The following GNA14 variants were observed in gnomAD, a reference collection of about 807,000 sequenced individuals.
The protein encoded by GNA14 is G protein subunit alpha 14.
Under a neutral mutation model 42.0 loss-of-function variants are expected in GNA14, and 50 were observed. The observed-to-expected ratio is 1.19, with a 90% confidence interval of 0.95 to 1.51. GNA14 has a LOEUF of 1.51. GNA14 is among the 40% of genes most tolerant of loss of function. The pLI is 0.00. For missense variants in GNA14, 473 were observed against 446.2 expected (o/e 1.06, Z -0.54); for synonymous variants, 173 against 163.1 (o/e 1.06, Z -0.46).
At chr9:77,544,429 A>G (rs1044113648) in intron 1 of GNA14, among the ~76,000 whole-genome samples, 10 of 152,148 alleles carry the variant, frequency 6.6e-5, no homozygotes, top group African/African-American at 2.4e-4. Flanking sequence ...TAGGTTGGGC[A>G]TGGTGTCTCA....
intron 1 of GNA14, among the ~76,000 whole-genome samples, chr9:77,646,436 AC>A (rs151127946): frequency 0.049 from 7,070 of 145,242 alleles, 233 homozygotes; most frequent in African/African-American, 0.092. Context: ...GGAGGGGCAC[AC>A]CCCCCCCCAA....
chr9:77,440,839 C>T (rs1045337462), intron 2 of GNA14, among the ~76,000 whole-genome samples: 1 of 152,100 alleles, frequency 6.6e-6, no homozygotes, highest in Non-Finnish European at 1.5e-5. Context: ...CCTCGTCCCC[C>T]TGAGTAGCTG....
At chr9:77,459,741 A>C (rs1836072010) in intron 2 of GNA14, among the ~76,000 whole-genome samples, 1 of 152,226 alleles carries the variant, frequency 6.6e-6, no homozygotes, top group Admixed American at 6.5e-5. Flanking sequence ...GCTTCTCAGC[A>C]GCCAAGCCTA....
intron 5 of GNA14, among the ~76,000 whole-genome samples, chr9:77,426,284 A>AG (rs200345404): frequency 0.039 from 5,929 of 150,586 alleles, 315 homozygotes; most frequent in East Asian, 0.2. Context: ...TTGATGGGTG[A>AG]CCATACTGTT....
At chr9:77,497,477 G>C (rs1836890345) in intron 2 of GNA14, among the ~76,000 whole-genome samples, 1 of 152,150 alleles carries the variant, frequency 6.6e-6, no homozygotes, top group South Asian at 2.1e-4. Context: ...CCACATCCCT[G>C]AGCTTCAGAC....
intron 2 of GNA14, among the ~76,000 whole-genome samples, chr9:77,468,788 G>A (rs1022624953): frequency 1.3e-5 from 2 of 152,170 alleles, no homozygotes; most frequent in East Asian, 1.9e-4. Flanking sequence ...GGTCCTGCAC[G>A]GTAACTGTGT....
intron 3 of GNA14, among the ~76,000 whole-genome samples, chr9:77,433,075 C>T (rs150489217): frequency 2.6e-5 from 4 of 152,316 alleles, no homozygotes; most frequent in Admixed American, 6.5e-5. Flanking sequence ...ATTCTCAGCC[C>T]GGGATAAACA....
chr9:77,601,344 G>C (rs545597808), intron 1 of GNA14, among the ~76,000 whole-genome samples: 1 of 152,174 alleles, frequency 6.6e-6, no homozygotes, highest in African/African-American at 2.4e-5. Context: ...CTAGGAAAGA[G>C]AAGTGAAAGA....
At chr9:77,647,564 C>T in intron 1 of GNA14, 106 bp downstream of exon 1, 1 of 1,313,034 alleles carries the variant, frequency 7.6e-7, no homozygotes, top group Non-Finnish European at 1.0e-6. Flanking sequence ...ACGAAGCCGC[C>T]CTGCACCCCG....
chr9:77,452,560 G>GTA (rs774150109), intron 2 of GNA14, among the ~76,000 whole-genome samples: 21 of 142,402 alleles, frequency 1.5e-4, no homozygotes, highest in East Asian at 2.5e-4. Flanking sequence ...GTGTGTGTGT[G>GTA]TGTGTGTGTG....
At chr9:77,461,493 A>G (rs1283213111) in intron 2 of GNA14, among the ~76,000 whole-genome samples, 1 of 152,208 alleles carries the variant, frequency 6.6e-6, no homozygotes, top group Non-Finnish European at 1.5e-5. Context: ...GATGTCACAC[A>G]GCTTGTAAGC....
In GNA14 at chr9:77,495,754, T is replaced by C. The variant is rs75953084; in HGVS notation, c.309+33315A>G. Among the ~76,000 whole-genome samples the C allele has an allele frequency of 1.8e-3, 270 of 152,334 alleles. 1 individual carries two copies. The highest frequency in any genetic ancestry group is 6.2e-3 in the African/African-American group (258 of 41,584). Reference sequence around the variant, plus strand: ...TGAGAAATTCACTACACACATAGTTTACAGAAGGAAGCAAATGAGAAGGAA... The same window carrying C: ...TGAGAAATTCACTACACACATAGTTCACAGAAGGAAGCAAATGAGAAGGAA... On this transcript the variant is annotated intron_variant, in intron 2 of 6. Coordinates refer to ENST00000341700, the MANE Select transcript of GNA14 (RefSeq NM_004297.4).
At chr9:77,435,642 C>T (rs571941387) in intron 2 of GNA14, among the ~76,000 whole-genome samples, 1 of 152,252 alleles carries the variant, frequency 6.6e-6, no homozygotes, top group African/African-American at 2.4e-5. Flanking sequence ...ATTACTATTA[C>T]AGCGGTTACC....
chr9:77,611,103 A>AT (rs1327278924), intron 1 of GNA14, among the ~76,000 whole-genome samples: 1 of 152,158 alleles, frequency 6.6e-6, no homozygotes, highest in Non-Finnish European at 1.5e-5. Context: ...ACATTACCCT[A>AT]TTCTCAAGTG....
Position 77,639,736 on chromosome 9 carries a change from G to A in GNA14, c.124+7934C>T, listed in dbSNP as rs1276303235. Among the ~76,000 whole-genome samples, 16 of 152,290 alleles carry A rather than the reference G, an allele frequency of 1.1e-4. No homozygotes were observed. The South Asian group carries it at 2.7e-3, about 26-fold the overall frequency. ...AGAGTCCCTTAAATCCTGCCCTTTTGCGGAGCCTCCTCTCCAATTTCCATT... is the reference window on the plus strand; with the variant it reads ...AGAGTCCCTTAAATCCTGCCCTTTTACGGAGCCTCCTCTCCAATTTCCATT... On this transcript the variant is annotated intron_variant, in intron 1 of 6. Transcript: ENST00000341700.
At chr9:77,499,001 C>G (rs966787099) in intron 2 of GNA14, among the ~76,000 whole-genome samples, 1 of 152,156 alleles carries the variant, frequency 6.6e-6, no homozygotes, top group African/African-American at 2.4e-5. Context: ...TTTTCTGACA[C>G]TTGGCCTGAT....
At position 77,434,401 on chromosome 9, in the gene GNA14, C is replaced by G; in HGVS notation, c.431G>C (p.Arg144Thr). ...DPGIQECYDR[R>T]REYQLSDSAK... is the part of the protein sequence containing the mutation. ...AGAGTCCGACAGCTGGTACTCCCTC[C>G]TCCTGTCGTAACACTCCTGGATGCC... The change falls in exon 3 of 7, where the codon AGG (arginine) becomes ACG (threonine). Residue 144 changes from arginine (R) to threonine (T), a missense_variant. By Grantham distance (71) the Arg-to-Thr change is moderately conservative. Coordinates refer to ENST00000341700, the MANE Select transcript of GNA14 (RefSeq NM_004297.4). 6.2e-7 allele frequency: 1 copy of G among 1,614,138 alleles called. No individual in the cohort carries two copies. The highest frequency in any genetic ancestry group is 8.5e-7 in the Non-Finnish European group (1 of 1,180,016).
intron 1 of GNA14, among the ~76,000 whole-genome samples, chr9:77,533,394 GGT>G (rs1411279469): frequency 6.6e-6 from 1 of 152,118 alleles, no homozygotes; most frequent in Non-Finnish European, 1.5e-5. Flanking sequence ...TGCCCAGGCT[GGT>G]CTCAAACTTC....
intron 1 of GNA14, among the ~76,000 whole-genome samples, chr9:77,564,497 C>T (rs1822936232): frequency 6.6e-6 from 1 of 152,082 alleles, no homozygotes; most frequent in East Asian, 1.9e-4. Flanking sequence ...ATTTATTATA[C>T]AAGTTATATA....
Sources: allele counts gnomAD v4.1 joint callset (sites outside exome capture counted in the v4.1 genomes callset), GRCh38; gene constraint gnomAD v4.1.1; transcripts MANE v1.5; gene names NCBI Gene and HGNC (gene_info 2026-07-23, HGNC 2026-07-21).